Variants in ZHX2 observed in about 807,000 individuals in gnomAD.
ZHX2 encodes the protein zinc fingers and homeoboxes 2.
In ZHX2, 6 loss-of-function variants were observed where a neutral mutation model predicts 21.9. That is an observed-to-expected ratio of 0.27 (90% CI 0.15 to 0.54). ZHX2 has a LOEUF of 0.54. Ranked by LOEUF, ZHX2 falls within the 20% of genes least tolerant of loss-of-function variation. The pLI is 0.95. For synonymous variants in ZHX2, 434 were observed against 437.1 expected (o/e 0.99, Z 0.09); for missense variants, 908 against 1,090.7 (o/e 0.83, Z 2.36).
intron 1 of ZHX2, among the ~76,000 whole-genome samples, chr8:122,841,791 G>A (rs748879178): frequency 2.6e-5 from 4 of 152,158 alleles, no homozygotes; most frequent in South Asian, 2.1e-4. Context: ...TATTTGAGCC[G>A]CTAAGCGTCT....
intron 2 of ZHX2, among the ~76,000 whole-genome samples, chr8:122,940,714 C>T (rs961570298): frequency 6.6e-6 from 1 of 152,182 alleles, no homozygotes; most frequent in Non-Finnish European, 1.5e-5. Flanking sequence ...GGGGCAAGGC[C>T]ACTTGGAATT....
chr8:122,952,953 C>T lies in ZHX2; in HGVS notation c.1443C>T (p.Ser481=), dbSNP rs111726812. ...TCGAGGTGACTGGCCTTGCCAGGAG[C>T]GAGATCAAGAAGTGGTTCAGTGACC... ...RLIEVTGLAR[S]EIKKWFSDHR... The change falls in exon 3 of 4, where the codon AGC becomes AGT. Residue 481 remains serine, a synonymous_variant. Transcript: ENST00000314393. The surrounding 1 kb of genome is among the most constrained non-coding windows in gnomAD (Gnocchi z 6.9). The T allele has an allele frequency of 0.025, 40,016 of 1,613,912 alleles. 645 individuals carry two copies. The highest frequency in any genetic ancestry group is 0.075 in the Middle Eastern group (457 of 6,060).
At chr8:122,947,394 G>C (rs958473117) in intron 2 of ZHX2, among the ~76,000 whole-genome samples, 2 of 152,160 alleles carry the variant, frequency 1.3e-5, no homozygotes, top group Non-Finnish European at 2.9e-5. Context: ...ATTGCTTCTT[G>C]AGCACTGGGA....
chr8:122,923,560 C>T (rs571335577), intron 2 of ZHX2, among the ~76,000 whole-genome samples: 11 of 152,130 alleles, frequency 7.2e-5, no homozygotes, highest in African/African-American at 2.7e-4. Context: ...GGAACATGGA[C>T]CCCATCTCTC....
At chr8:122,866,877 T>C (rs1819311827) in intron 2 of ZHX2, among the ~76,000 whole-genome samples, 1 of 152,160 alleles carries the variant, frequency 6.6e-6, no homozygotes, top group African/African-American at 2.4e-5. Flanking sequence ...CAGGCTGGAG[T>C]GCGGTGGCAC....
chr8:122,802,831 T>C (rs1265265549), intron 1 of ZHX2, among the ~76,000 whole-genome samples: 2 of 152,158 alleles, frequency 1.3e-5, no homozygotes, highest in Non-Finnish European at 2.9e-5. Context: ...TCTGGGATAC[T>C]GTGTTTATTT....
At chr8:122,931,986 ACT>A (rs1436045315) in intron 2 of ZHX2, among the ~76,000 whole-genome samples, 5 of 152,080 alleles carry the variant, frequency 3.3e-5, no homozygotes, top group African/African-American at 1.2e-4. Context: ...CTGGTGCGTG[ACT>A]CTCTAAAGAC....
At chr8:122,834,139 C>T (rs1680827623) in intron 1 of ZHX2, among the ~76,000 whole-genome samples, 1 of 152,170 alleles carries the variant, frequency 6.6e-6, no homozygotes. Context: ...TTAGGTAAAG[C>T]AGAGTAGGTT....
intron 3 of ZHX2, among the ~76,000 whole-genome samples, chr8:122,967,292 A>C (rs1813606813): frequency 6.6e-6 from 1 of 152,194 alleles, no homozygotes; most frequent in Non-Finnish European, 1.5e-5. Context: ...CAGTGGAAAC[A>C]TCTGGAACTC....
At chr8:122,964,597 A>G (rs1813532471) in intron 3 of ZHX2, among the ~76,000 whole-genome samples, 1 of 152,026 alleles carries the variant, frequency 6.6e-6, no homozygotes. Flanking sequence ...ATTGGTCTGT[A>G]GTTTTATTTT....
At chr8:122,944,424 C>T (rs1449543232) in intron 2 of ZHX2, among the ~76,000 whole-genome samples, 2 of 152,298 alleles carry the variant, frequency 1.3e-5, no homozygotes, top group East Asian at 1.9e-4. Context: ...TACCCTCCCC[C>T]AACCCTGCCC....
chr8:122,814,585 C>T (rs570945703), intron 1 of ZHX2, among the ~76,000 whole-genome samples: 62 of 152,280 alleles, frequency 4.1e-4, no homozygotes, highest in African/African-American at 1.4e-3. Context: ...TATAATTAAA[C>T]CTTCCAAGGA....
At chr8:122,875,733 C>T (rs1056060901) in intron 2 of ZHX2, among the ~76,000 whole-genome samples, 1 of 152,232 alleles carries the variant, frequency 6.6e-6, no homozygotes, top group Non-Finnish European at 1.5e-5. Flanking sequence ...GGGTGCGGGT[C>T]CCCCGCCCGT....
chr8:122,887,069 G>A (rs1245586839), intron 2 of ZHX2, among the ~76,000 whole-genome samples: 11 of 151,484 alleles, frequency 7.3e-5, no homozygotes, highest in Admixed American at 7.2e-4. Flanking sequence ...GTGTGTGTGT[G>A]TGTGTGTGTG....
At chr8:122,858,536 G>A (rs1310995193) in intron 1 of ZHX2, among the ~76,000 whole-genome samples, 1 of 152,082 alleles carries the variant, frequency 6.6e-6, no homozygotes, top group South Asian at 2.1e-4. Context: ...TCTGGCAAAA[G>A]GAGTCCTGAG....
intron 1 of ZHX2, among the ~76,000 whole-genome samples, chr8:122,846,549 ATTTT>A (rs201581677): frequency 3.0e-4 from 33 of 111,266 alleles, no homozygotes; most frequent in South Asian, 6.0e-4. Flanking sequence ...GACTTTGTGT[ATTTT>A]TTTTTTTTTT....
At chr8:122,850,630 ACT>A (rs796187116) in intron 1 of ZHX2, among the ~76,000 whole-genome samples, 8 of 109,990 alleles carry the variant, frequency 7.3e-5, no homozygotes, top group African/African-American at 2.7e-4. Flanking sequence ...AGAAAGCGAG[ACT>A]CTGTCTCAAA....
intron 2 of ZHX2, among the ~76,000 whole-genome samples, chr8:122,937,936 T>TTTTTC (rs1428557661): frequency 8.6e-6 from 1 of 116,454 alleles, no homozygotes; most frequent in Non-Finnish European, 1.8e-5. Context: ...CTTTTTGGTT[T>TTTTTC]TTTTTTTTTT....
chr8:122,846,385 C>T (rs555749536), intron 1 of ZHX2, among the ~76,000 whole-genome samples: 1 of 152,300 alleles, frequency 6.6e-6, no homozygotes, highest in East Asian at 1.9e-4. Flanking sequence ...TTTCTGTGAA[C>T]TGAGTGAGCT....
Sources: allele counts gnomAD v4.1 joint callset (sites outside exome capture counted in the v4.1 genomes callset), GRCh38; gene constraint gnomAD v4.1.1; non-coding constraint Gnocchi (gnomAD v3.1); transcripts MANE v1.5; gene names NCBI Gene and HGNC (gene_info 2026-07-23, HGNC 2026-07-21).